PID1: variants seen among roughly 807,000 people sequenced by gnomAD.
PID1 encodes the protein phosphotyrosine interaction domain containing 1.
In PID1, 10 loss-of-function variants were observed where a neutral mutation model predicts 19.1. That is an observed-to-expected ratio of 0.52 (90% CI 0.32 to 0.89). PID1 has a LOEUF of 0.89. PID1 is among the 40% of genes least tolerant of loss of function. The probability of loss-of-function intolerance (pLI) is 0.03; values close to 1 mark genes in which losing one functional copy is unlikely to be tolerated. For missense variants in PID1, 248 were observed against 285.3 expected (o/e 0.87, Z 0.94); for synonymous variants, 130 against 116.0 (o/e 1.12, Z -0.78).
intron 1 of PID1, among the ~76,000 whole-genome samples, chr2:229,175,082 C>T (rs1559269521): frequency 6.6e-6 from 1 of 152,210 alleles, no homozygotes; most frequent in Non-Finnish European, 1.5e-5. Context: ...GAAGTGGATC[C>T]TTTAGTGCCA....
chr2:229,057,835 T>C (rs1402226110), intron 2 of PID1, among the ~76,000 whole-genome samples: 2 of 152,162 alleles, frequency 1.3e-5, no homozygotes, highest in African/African-American at 4.8e-5. Context: ...GCAAAGATAA[T>C]GGACACAGCA....
intron 2 of PID1, among the ~76,000 whole-genome samples, chr2:229,045,066 G>C (rs989210474): frequency 6.6e-6 from 1 of 151,910 alleles, no homozygotes; most frequent in Admixed American, 6.6e-5. Context: ...CAATTCTCCT[G>C]CCTCAACCTC....
chr2:229,068,675 A>G (rs1483764303), intron 2 of PID1, among the ~76,000 whole-genome samples: 1 of 152,170 alleles, frequency 6.6e-6, no homozygotes, highest in Non-Finnish European at 1.5e-5. Context: ...GCTAGTCCAC[A>G]TGTTGTCAGC....
chr2:229,113,658 T>G (rs1359058373), intron 2 of PID1, among the ~76,000 whole-genome samples: 4 of 150,592 alleles, frequency 2.7e-5, no homozygotes, highest in Non-Finnish European at 5.9e-5. Context: ...TGAGGCACAG[T>G]GAGGCTAACT....
chr2:229,154,823 T>C (rs1331403152), intron 2 of PID1, among the ~76,000 whole-genome samples: 1 of 152,244 alleles, frequency 6.6e-6, no homozygotes, highest in African/African-American at 2.4e-5. Flanking sequence ...AAATTTCTGA[T>C]GATAAAACAT....
chr2:229,024,306 G>A lies in PID1; in HGVS notation c.*1326C>T, dbSNP rs1305655935. 2 of 152,418 alleles carry A rather than the reference G, an allele frequency of 1.3e-5. No individual in the cohort carries two copies. Among genetic ancestry groups the A allele is most frequent in the Non-Finnish European group, 2.9e-5 (2 of 68,046 alleles). The allele number at this position is 152,418 out of a possible 1,614,324, so 9.4% of individuals were successfully genotyped here. A position where few individuals can be genotyped will look rare whatever the true frequency, so the allele number is the denominator to read the frequency against. ...ACCAGGATTGAAAACAGACTTTTAG[G>A]AAGGAGCAGCATTACTTCGAAAAGT... On this transcript the variant is annotated 3_prime_UTR_variant, in exon 3 of 3. Coordinates refer to ENST00000392055, the MANE Select transcript of PID1 (RefSeq NM_001100818.2).
chr2:229,044,760 A>T (rs1157905508), intron 2 of PID1, among the ~76,000 whole-genome samples: 1 of 152,108 alleles, frequency 6.6e-6, no homozygotes, highest in Non-Finnish European at 1.5e-5. Flanking sequence ...ACTGTCTAGG[A>T]ATTCACAGTA....
At chr2:229,236,134 C>A (rs1015310901) in intron 1 of PID1, among the ~76,000 whole-genome samples, 1 of 138,652 alleles carries the variant, frequency 7.2e-6, no homozygotes, top group African/African-American at 2.7e-5. Flanking sequence ...TACTCTATGA[C>A]CATATTAGCA....
intron 1 of PID1, among the ~76,000 whole-genome samples, chr2:229,267,193 A>C (rs1690612375): frequency 6.6e-6 from 1 of 152,188 alleles, no homozygotes; most frequent in Admixed American, 6.5e-5. Flanking sequence ...AAGAAACCAA[A>C]AGAAAGCTTT....
intron 1 of PID1, among the ~76,000 whole-genome samples, chr2:229,198,470 AT>A (rs1176522153): frequency 6.6e-6 from 1 of 152,054 alleles, no homozygotes; most frequent in Non-Finnish European, 1.5e-5. Context: ...GATGAGACCT[AT>A]CCTCTGTGAT....
intron 1 of PID1, among the ~76,000 whole-genome samples, chr2:229,205,903 A>G (rs1198096322): frequency 6.6e-6 from 1 of 152,198 alleles, no homozygotes; most frequent in East Asian, 1.9e-4. Flanking sequence ...CAGCTATGAT[A>G]ATGTTTTCGT....
chr2:229,031,213 C>A, intron 2 of PID1, among the ~76,000 whole-genome samples: 1 of 25,022 alleles, frequency 4.0e-5, no homozygotes. Flanking sequence ...GAGACTCTGT[C>A]TCAAAAAAAA....
intron 2 of PID1, among the ~76,000 whole-genome samples, chr2:229,069,773 G>T (rs567491954): frequency 2.9e-4 from 44 of 152,294 alleles, no homozygotes; most frequent in African/African-American, 9.4e-4. Context: ...CAAGCTACCA[G>T]TGAAGTGCTA....
At chr2:229,147,963 A>G (rs151054033) in intron 2 of PID1, among the ~76,000 whole-genome samples, 7 of 152,342 alleles carry the variant, frequency 4.6e-5, no homozygotes, top group African/African-American at 1.7e-4. Context: ...TCCATGGGAC[A>G]ACAGCTCTAC....
intron 2 of PID1, among the ~76,000 whole-genome samples, chr2:229,068,837 A>C (rs915331225): frequency 1.3e-5 from 2 of 152,208 alleles, no homozygotes; most frequent in Admixed American, 6.5e-5. Flanking sequence ...ACTTGCCCAC[A>C]GAGGGTCCGC....
At chr2:229,195,991 AT>A (rs1407396668) in intron 1 of PID1, among the ~76,000 whole-genome samples, 3 of 152,118 alleles carry the variant, frequency 2.0e-5, no homozygotes, top group Non-Finnish European at 4.4e-5. Context: ...GAATCCAAGA[AT>A]TGTAAAAGTG....
At chr2:229,108,086 A>G (rs1001492979) in intron 2 of PID1, among the ~76,000 whole-genome samples, 3 of 129,366 alleles carry the variant, frequency 2.3e-5, no homozygotes, top group African/African-American at 5.2e-5. Context: ...GAAATTTAAA[A>G]CAAGAAAAGA....
intron 2 of PID1, among the ~76,000 whole-genome samples, chr2:229,029,301 T>C (rs1397406791): frequency 7.1e-6 from 1 of 140,996 alleles, no homozygotes; most frequent in African/African-American, 2.7e-5. Flanking sequence ...TGGAAATTAA[T>C]AGATATTTTT....
chr2:229,125,593 A>G (rs1695606936), intron 2 of PID1, among the ~76,000 whole-genome samples: 1 of 152,202 alleles, frequency 6.6e-6, no homozygotes, highest in Admixed American at 6.5e-5. Context: ...AGAGTTTACT[A>G]CACTGAAGTA....
Sources: allele counts gnomAD v4.1 joint callset (sites outside exome capture counted in the v4.1 genomes callset), GRCh38; gene constraint gnomAD v4.1.1; transcripts MANE v1.5; gene names NCBI Gene and HGNC (gene_info 2026-07-23, HGNC 2026-07-21).